The following TRERF1 variants were observed in gnomAD, a reference collection of about 807,000 sequenced individuals.
TRERF1 encodes transcriptional-regulating factor 1.
In TRERF1, 27 loss-of-function variants were observed where a neutral mutation model predicts 122.9. The observed-to-expected ratio is 0.22, with a 90% CI of 0.16 to 0.30. The LOEUF (loss-of-function observed/expected upper bound fraction) is 0.30, where lower values mean the gene tolerates loss of function less well. Ranked by LOEUF, TRERF1 falls within the 10% of genes least tolerant of loss-of-function variation. TRERF1 has a pLI of 1.00. For missense variants in TRERF1, 1,248 were observed against 1,560.3 expected (o/e 0.80, Z 3.37); for synonymous variants, 636 against 641.7 (o/e 0.99, Z 0.13).
At position 42,393,776 on chromosome 6, in the gene TRERF1, T is replaced by C. The variant is rs1303416027; in HGVS notation, c.-453-30697A>G. Among the ~76,000 whole-genome samples, 10 of 152,204 alleles carry C rather than the reference T, an allele frequency of 6.6e-5. No individual in the cohort carries two copies. ...TAGAATGCTGTGCCACCACAGAAAGTCAGGTTTTAAAAGAGCAGTGTACAA... is the reference window on the plus strand; with the variant it reads ...TAGAATGCTGTGCCACCACAGAAAGCCAGGTTTTAAAAGAGCAGTGTACAA... On this transcript the variant is annotated intron_variant, in intron 2 of 17. Transcript: ENST00000372922. This position sits in a 1 kb window ranked among gnomAD's most constrained non-coding sequence, Gnocchi z 4.1.
chr6:42,385,488 A>G (rs1776639114), intron 2 of TRERF1, among the ~76,000 whole-genome samples: 1 of 152,196 alleles, frequency 6.6e-6, no homozygotes, highest in Non-Finnish European at 1.5e-5. Flanking sequence ...AAGGTGCACT[A>G]TAATAACCAC....
intron 8 of TRERF1, among the ~76,000 whole-genome samples, chr6:42,261,217 G>A (rs1006508161): frequency 5.3e-5 from 8 of 152,288 alleles, no homozygotes; most frequent in African/African-American, 1.7e-4. Context: ...CTCTGTTCCC[G>A]GGTAACAGAT....
intron 3 of TRERF1, among the ~76,000 whole-genome samples, chr6:42,362,711 T>C (rs1483416354): frequency 6.6e-6 from 1 of 152,214 alleles, no homozygotes; most frequent in Non-Finnish European, 1.5e-5. Flanking sequence ...TAAACACTTC[T>C]AGAACTACCA....
At chr6:42,250,500 G>A (rs1775550274) in intron 13 of TRERF1, among the ~76,000 whole-genome samples, 1 of 152,100 alleles carries the variant, frequency 6.6e-6, no homozygotes, top group Non-Finnish European at 1.5e-5. Flanking sequence ...GGCCCTTCTT[G>A]GATCCTGCAT....
At chr6:42,349,127 T>G (rs1201040094) in intron 3 of TRERF1, among the ~76,000 whole-genome samples, 3 of 152,186 alleles carry the variant, frequency 2.0e-5, no homozygotes, top group Non-Finnish European at 4.4e-5. Context: ...AACTACCCTG[T>G]CTACTTTCCC....
At chr6:42,412,569 T>A (rs1781269895) in intron 2 of TRERF1, among the ~76,000 whole-genome samples, 1 of 152,116 alleles carries the variant, frequency 6.6e-6, no homozygotes, top group Non-Finnish European at 1.5e-5. Context: ...CCCAAAGAAG[T>A]CTGTCAGCCA....
At chr6:42,382,765 G>A (rs2151161141) in intron 2 of TRERF1, among the ~76,000 whole-genome samples, 1 of 152,136 alleles carries the variant, frequency 6.6e-6, no homozygotes, top group South Asian at 2.1e-4. Flanking sequence ...CTTGAACGTG[G>A]GATTTGGGGC....
intron 3 of TRERF1, among the ~76,000 whole-genome samples, chr6:42,344,894 A>G (rs532834511): frequency 6.6e-6 from 1 of 152,278 alleles, no homozygotes; most frequent in South Asian, 2.1e-4. Context: ...TAGCCCAACT[A>G]GATTACAGGT....
chr6:42,264,858 C>T lies in TRERF1; in HGVS notation c.1485-4G>A. The T allele has an allele frequency of 6.2e-7, 1 of 1,613,884 alleles. No homozygotes were observed. Among genetic ancestry groups the T allele is most frequent in the East Asian group, 2.2e-5 (1 of 44,878 alleles). ...AAACGCTCCTTTGGGTTGGCCACTG[C>T]TCAAGGGAAGAGTCAAATGGAGAGG... On this transcript the variant is annotated splice_region_variant and splice_polypyrimidine_tract_variant and intron_variant, in intron 6 of 17. Coordinates refer to ENST00000372922, the Ensembl canonical transcript of TRERF1.
chr6:42,233,572 A>C (rs892845284), intron 16 of TRERF1, among the ~76,000 whole-genome samples: 1 of 152,140 alleles, frequency 6.6e-6, no homozygotes, highest in Non-Finnish European at 1.5e-5. Flanking sequence ...GGCGTGAGCC[A>C]CCACGCCTGG....
chr6:42,231,643 A>C (rs1030425388), intron 17 of TRERF1, among the ~76,000 whole-genome samples: 1 of 152,228 alleles, frequency 6.6e-6, no homozygotes, highest in Admixed American at 6.5e-5. Flanking sequence ...AAAGGATGTA[A>C]TTCATAACAA....
At chr6:42,429,366 C>G (rs546973433) in intron 2 of TRERF1, among the ~76,000 whole-genome samples, 38 of 152,256 alleles carry the variant, frequency 2.5e-4, no homozygotes, top group African/African-American at 7.5e-4. Context: ...CTCACCTCAA[C>G]CCAGTAGGCT....
At chr6:42,374,669 C>G (rs1581861812) in intron 2 of TRERF1, among the ~76,000 whole-genome samples, 1 of 152,130 alleles carries the variant, frequency 6.6e-6, no homozygotes, top group Non-Finnish European at 1.5e-5. Context: ...ACCCTCACCC[C>G]CTACCATCTC....
In TRERF1 at chr6:42,393,291, G is replaced by T. The variant is rs1778063053; in HGVS notation, c.-453-30212C>A. Among the ~76,000 whole-genome samples the T allele has an allele frequency of 6.6e-6, 1 of 152,148 alleles. No individual in the cohort carries two copies. The highest frequency in any genetic ancestry group is 1.5e-5 in the Non-Finnish European group (1 of 68,026). The stretch of plus-strand genomic sequence containing the variant: ...TTCATTTTGCAGATAAATAAACTGG[G>T]TTTCAAAAAAGTACCACAAATTTTT... On this transcript the variant is annotated intron_variant, in intron 2 of 17. Transcript: ENST00000372922. The surrounding 1 kb of genome is among the most constrained non-coding windows in gnomAD (Gnocchi z 4.1).
rs111799675 is a variant in TRERF1 at position 42,251,243 on chromosome 6, G to A, written c.2656+3608C>T. 6.3e-3 allele frequency among the ~76,000 whole-genome samples: 955 copies of A among 151,976 alleles called. 16 individuals are homozygous for A. The highest frequency in any genetic ancestry group is 0.022 in the African/African-American group (901 of 41,468). Reference sequence around the variant, plus strand: ...ACTCCTGAGCTTAAGCGATCTGCCCGCCTTGGCCTCCCAAAGTGCTGGGAT... The same window carrying A: ...ACTCCTGAGCTTAAGCGATCTGCCCACCTTGGCCTCCCAAAGTGCTGGGAT... On this transcript the variant is annotated intron_variant, in intron 13 of 17. Coordinates refer to ENST00000372922, the Ensembl canonical transcript of TRERF1.
chr6:42,360,770 TTAAAAAAAAAAAAAAAAA>T (rs1224452961), intron 3 of TRERF1, among the ~76,000 whole-genome samples: 2 of 64,046 alleles, frequency 3.1e-5, no homozygotes, highest in African/African-American at 9.3e-5. Context: ...AGTGGAGAGA[TTAAAAAAAAAAAAAAAAA>T]AAAAAAAAAA....
At chr6:42,357,684 G>T (rs943171528) in intron 3 of TRERF1, among the ~76,000 whole-genome samples, 1 of 152,174 alleles carries the variant, frequency 6.6e-6, no homozygotes, top group Non-Finnish European at 1.5e-5. Flanking sequence ...TCACACGGGC[G>T]AGCGAGCAGT....
At chr6:42,341,882 T>C (rs908379931) in intron 3 of TRERF1, among the ~76,000 whole-genome samples, 3 of 152,242 alleles carry the variant, frequency 2.0e-5, no homozygotes, top group Non-Finnish European at 4.4e-5. Flanking sequence ...ATAATGAATG[T>C]TCAATATCAA....
At chr6:42,270,339 T>C (rs1780000063) in intron 4 of TRERF1, among the ~76,000 whole-genome samples, 1 of 152,248 alleles carries the variant, frequency 6.6e-6, no homozygotes, top group Admixed American at 6.5e-5. Flanking sequence ...CATTGTTCAA[T>C]GGCTCAGTAG....
Sources: gnomAD v4.1 joint callset for allele counts (sites outside exome capture counted in the v4.1 genomes callset) on GRCh38, gnomAD v4.1.1 for gene constraint, Gnocchi (gnomAD v3.1) non-coding constraint, MANE v1.5 for transcripts, NCBI Gene and HGNC (gene_info 2026-07-23, HGNC 2026-07-21) for gene names.